Variants in ANKRD36 observed in about 807,000 individuals in gnomAD.
The protein encoded by ANKRD36 is ankyrin repeat domain 36.
In ANKRD36, 179 loss-of-function variants were observed where a neutral mutation model predicts 278.1. The observed-to-expected ratio is 0.64, with a 90% CI of 0.57 to 0.73. The LOEUF is 0.73. ANKRD36 is among the 30% of genes least tolerant of loss of function. The probability of loss-of-function intolerance (pLI) is 0.00; values close to 1 mark genes in which losing one functional copy is unlikely to be tolerated. For synonymous variants in ANKRD36, 320 were observed against 641.1 expected (o/e 0.50, Z 7.57); for missense variants, 1,159 against 1,956.7 (o/e 0.59, Z 7.69).
chr2:97,174,881 A>G (rs2053770172), intron 22 of ANKRD36, among the ~76,000 whole-genome samples: 1 of 150,846 alleles, frequency 6.6e-6, no homozygotes, highest in Non-Finnish European at 1.5e-5. Flanking sequence ...CTATTGAGAT[A>G]ATCATGTGGT....
At position 97,198,450 on chromosome 2, in the gene ANKRD36, T is replaced by G; in HGVS notation, c.2654-13T>G. 3 of 1,576,150 alleles carry G rather than the reference T, an allele frequency of 1.9e-6. No individual in the cohort carries two copies. In the South Asian group the frequency reaches 3.5e-5, roughly 18 times the overall value. ...TTACATATGAGTGATTATGAATCCCTTTTACTTTTCAGTGTCTTCTGAGAA... is the reference window on the plus strand; with the variant it reads ...TTACATATGAGTGATTATGAATCCCGTTTACTTTTCAGTGTCTTCTGAGAA... On this transcript the variant is annotated splice_polypyrimidine_tract_variant and intron_variant, in intron 42 of 75. Coordinates refer to ENST00000420699, the MANE Select transcript of ANKRD36 (RefSeq NM_001354587.1).
intron 67 of ANKRD36, 148 bp from the exon 68 acceptor site, chr2:97,233,582 C>T (rs2072920109): frequency 7.2e-7 from 1 of 1,393,730 alleles, no homozygotes; most frequent in African/African-American, 1.5e-5. Context: ...CTAGAGTCAA[C>T]ATAAAGGAAA....
intron 36 of ANKRD36, among the ~76,000 whole-genome samples, chr2:97,191,674 A>T (rs2058546621): frequency 6.6e-6 from 1 of 151,648 alleles, no homozygotes; most frequent in Non-Finnish European, 1.5e-5. Flanking sequence ...AGAGGAAGTC[A>T]TTTATATAAT....
chr2:97,210,292 AC>A (rs1406756666), intron 56 of ANKRD36, among the ~76,000 whole-genome samples: 2 of 151,782 alleles, frequency 1.3e-5, no homozygotes, highest in African/African-American at 2.4e-5. Context: ...AACTAAGGAG[AC>A]CCCTGGTGTA....
At chr2:97,183,713 C>T in intron 28 of ANKRD36, 59 bp downstream of exon 28, 3 of 1,504,572 alleles carry the variant, frequency 2.0e-6, no homozygotes, top group East Asian at 2.5e-5. Context: ...GAACGTCCCA[C>T]CCCTGAATAG....
intron 62 of ANKRD36, chr2:97,215,738 T>G (rs1373067624): frequency 8.6e-7 from 1 of 1,158,848 alleles, no homozygotes; most frequent in Non-Finnish European, 1.2e-6. Flanking sequence ...GGAGAGCGGT[T>G]CAGCACATAA....
intron 17 of ANKRD36, among the ~76,000 whole-genome samples, chr2:97,160,706 C>G (rs1193038269): frequency 1.3e-5 from 2 of 151,974 alleles, no homozygotes; most frequent in Non-Finnish European, 2.9e-5. Flanking sequence ...ATCAGAAAAC[C>G]ATATGAACTT....
rs758005713 is a variant in ANKRD36, at chr2:97,205,904, A to T, written c.3062-36A>T. 11 of 1,532,456 alleles carry T rather than the reference A, an allele frequency of 7.2e-6. 1 individual carries two copies. The Admixed American group carries it at 2.1e-4, about 30-fold the overall frequency. The allele number at this position is 1,532,456 out of a possible 1,614,324, so 94.9% of individuals were successfully genotyped here. ...ATGTATGGATATCTTTATCATATTT[A>T]CATATGACTGATTATGAATCACTTT... On this transcript the variant is annotated intron_variant, in intron 50 of 75. Transcript: ENST00000420699.
At chr2:97,126,531 T>A (rs1453908288) in intron 5 of ANKRD36, among the ~76,000 whole-genome samples, 1 of 151,942 alleles carries the variant, frequency 6.6e-6, no homozygotes, top group African/African-American at 2.4e-5. Flanking sequence ...ACTTAACATT[T>A]TTCTTAAACT....
chr2:97,156,561 T>C (rs1447248472), intron 15 of ANKRD36, among the ~76,000 whole-genome samples: 2 of 136,094 alleles, frequency 1.5e-5, no homozygotes, highest in South Asian at 2.3e-4. Context: ...CATCATTTTT[T>C]ATGGCTGCAT....
intron 17 of ANKRD36, among the ~76,000 whole-genome samples, chr2:97,161,345 G>A (rs1303385528): frequency 1.3e-5 from 2 of 152,236 alleles, no homozygotes; most frequent in Non-Finnish European, 2.9e-5. Context: ...CCCTCACATT[G>A]CCAATCCAGT....
Position 97,207,938 on chromosome 2 carries a change from C to G in ANKRD36, c.3197C>G (p.Thr1066Arg), listed in dbSNP as rs913258218. Residue 1066 changes from threonine (T) to arginine (R), a missense_variant, in exon 54 of 76, where the codon ACA becomes AGA. By Grantham distance (71) the Thr-to-Arg change is moderately conservative. Transcript: ENST00000420699. ...TTCATTTGAAATTCCATTCAGGCTA[C>G]AAGTGCCGAGAAAGATTCTGTTTTG... ...SSEKPSGLKA[T>R]SAEKDSVLNI... The G allele has an allele frequency of 6.5e-7, 1 of 1,529,826 alleles. No individual in the cohort carries two copies. Among genetic ancestry groups the G allele is most frequent in the Non-Finnish European group, 8.8e-7 (1 of 1,135,692 alleles). 94.8% of individuals were successfully genotyped at this position (1,529,826 alleles called of 1,614,324 possible). A position where few individuals can be genotyped will look rare whatever the true frequency, so the allele number is the denominator to read the frequency against.
intron 40 of ANKRD36, 104 bp downstream of exon 40, chr2:97,195,021 A>C (rs2059393409): frequency 6.9e-7 from 1 of 1,442,532 alleles, no homozygotes; most frequent in Non-Finnish European, 9.3e-7. Flanking sequence ...ATTCTGATTC[A>C]GCAGGCCTGA....
chr2:97,136,529 G>T (rs1437563859), intron 6 of ANKRD36, among the ~76,000 whole-genome samples: 2 of 151,972 alleles, frequency 1.3e-5, no homozygotes, highest in Non-Finnish European at 2.9e-5. Context: ...TGGGGGAATA[G>T]CCTTGTGGTA....
intron 15 of ANKRD36, 72 bp from the exon 16 acceptor site, chr2:97,158,035 A>G (rs938102179): frequency 2.0e-5 from 25 of 1,249,476 alleles, no homozygotes; most frequent in Admixed American, 6.3e-5. Flanking sequence ...GTGTTAGATC[A>G]TGTAGTAATG....
In ANKRD36 at chr2:97,164,440, G is replaced by A. The variant is rs200806944; in HGVS notation, c.1502G>A (p.Gly501Glu). Reference sequence around the variant, plus strand: ...GATCACATTTCAACTAGATTCTTAGGAGGTATGGATTCACTAACTTCCAGT... The same window carrying A: ...GATCACATTTCAACTAGATTCTTAGAAGGTATGGATTCACTAACTTCCAGT... ...DRDHISTRFLGGMDSLTSSEE... is the reference protein window; with the variant it reads ...DRDHISTRFLEGMDSLTSSEE... The change falls in exon 20 of 76, where the codon GGA (glycine) becomes GAA (glutamate). Residue 501 changes from glycine to glutamate, a missense_variant. Physicochemically the swap from Gly to Glu is moderately conservative, Grantham distance 98 (BLOSUM62 -2). Coordinates refer to ENST00000420699, the MANE Select transcript of ANKRD36 (RefSeq NM_001354587.1). 1.4e-6 allele frequency: 2 copies of A among 1,447,300 alleles called. No homozygotes were observed. Among genetic ancestry groups the A allele is most frequent in the Non-Finnish European group, 9.2e-7 (1 of 1,086,180 alleles). 89.7% of individuals were successfully genotyped at this position (1,447,300 alleles called of 1,614,324 possible).
chr2:97,200,570 G>C (rs1184740012), intron 46 of ANKRD36, 45 bp downstream of exon 46: 1 of 1,537,856 alleles, frequency 6.5e-7, no homozygotes, highest in East Asian at 2.4e-5. Context: ...GTCCAGATAA[G>C]AAGTTCTCTT....
At chr2:97,149,391 C>T in intron 12 of ANKRD36, 30 bp downstream of exon 12, 3 of 1,482,662 alleles carry the variant, frequency 2.0e-6, no homozygotes, top group Non-Finnish European at 2.7e-6. Context: ...AATTAATTTT[C>T]TCCCTCTGAA....
At chr2:97,190,142 A>G (rs1311946457) in intron 34 of ANKRD36, among the ~76,000 whole-genome samples, 1 of 90,052 alleles carries the variant, frequency 1.1e-5, no homozygotes, top group Non-Finnish European at 3.9e-5. Context: ...TAGAAACAAA[A>G]ATTATGTTGA....
Sources: allele counts gnomAD v4.1 joint callset (sites outside exome capture counted in the v4.1 genomes callset), GRCh38; gene constraint gnomAD v4.1.1; transcripts MANE v1.5; gene names NCBI Gene and HGNC (gene_info 2026-07-23, HGNC 2026-07-21).